HECW1: variants seen among roughly 807,000 people sequenced by gnomAD.
HECW1 encodes E3 ubiquitin-protein ligase HECW1.
HECW1 carries 61 observed loss-of-function variants against 182.3 expected under a neutral mutation model. The observed-to-expected ratio is 0.33, with a 90% CI of 0.27 to 0.41. HECW1 has a LOEUF of 0.41. HECW1 is among the 10% of genes least tolerant of loss of function. HECW1 has a pLI of 1.00. For synonymous variants in HECW1, 859 were observed against 832.6 expected (o/e 1.03, Z -0.55); for missense variants, 1,739 against 2,108.9 (o/e 0.82, Z 3.44).
intron 2 of HECW1, among the ~76,000 whole-genome samples, chr7:43,172,708 A>G (rs1323493744): frequency 6.6e-6 from 1 of 152,186 alleles, no homozygotes; most frequent in Non-Finnish European, 1.5e-5. Flanking sequence ...ACAGATCCCT[A>G]AAGGGAACAA....
At chr7:43,287,899 G>A (rs1562786618) in intron 3 of HECW1, among the ~76,000 whole-genome samples, 1 of 152,214 alleles carries the variant, frequency 6.6e-6, no homozygotes, top group African/African-American at 2.4e-5. Context: ...TAGGTGTTCA[G>A]TCTGGTACCT....
intron 2 of HECW1, among the ~76,000 whole-genome samples, chr7:43,209,399 C>G (rs1795796125): frequency 6.6e-6 from 1 of 152,170 alleles, no homozygotes; most frequent in African/African-American, 2.4e-5. Flanking sequence ...CACTCTGCTT[C>G]CTGAGCCTCT....
intron 3 of HECW1, among the ~76,000 whole-genome samples, chr7:43,285,987 C>A (rs887085940): frequency 6.6e-6 from 1 of 152,096 alleles, no homozygotes; most frequent in Non-Finnish European, 1.5e-5. Flanking sequence ...TAGTTAGGGA[C>A]GTCTTAGTCT....
intron 6 of HECW1, among the ~76,000 whole-genome samples, chr7:43,387,559 C>A (rs192641437): frequency 6.6e-6 from 1 of 152,318 alleles, no homozygotes; most frequent in African/African-American, 2.4e-5. Context: ...CTAACAGCAG[C>A]AAGACATTTA....
At chr7:43,522,997 CTTGT>C (rs547781408) in intron 24 of HECW1, 183 of 434,646 alleles carry the variant, frequency 4.2e-4, no homozygotes, top group Middle Eastern at 7.2e-4. Context: ...GGTAGTTCTG[CTTGT>C]TTGTTTGTTT....
chr7:43,318,616 A>G (rs1202403292), intron 4 of HECW1, among the ~76,000 whole-genome samples: 1 of 152,246 alleles, frequency 6.6e-6, no homozygotes, highest in African/African-American at 2.4e-5. Flanking sequence ...ATGAAGAAAG[A>G]CTATAGAAGT....
intron 2 of HECW1, among the ~76,000 whole-genome samples, chr7:43,139,993 A>G (rs906963192): frequency 6.6e-6 from 1 of 152,228 alleles, no homozygotes; most frequent in Non-Finnish European, 1.5e-5. Context: ...TTCTTAGCCC[A>G]GTGCCTAGCT....
At chr7:43,340,689 G>T (rs1203507551) in intron 5 of HECW1, among the ~76,000 whole-genome samples, 1 of 151,794 alleles carries the variant, frequency 6.6e-6, no homozygotes, top group Non-Finnish European at 1.5e-5. Flanking sequence ...CTAAATTAAA[G>T]CTACAGTGTC....
intron 29 of HECW1, among the ~76,000 whole-genome samples, chr7:43,558,673 G>A (rs1031612337): frequency 2.0e-5 from 3 of 152,138 alleles, no homozygotes; most frequent in African/African-American, 7.2e-5. Flanking sequence ...GTGTCAAGCT[G>A]AGAAATGCTG....
chr7:43,390,843 G>T (rs187671247), intron 6 of HECW1, among the ~76,000 whole-genome samples: 12 of 152,336 alleles, frequency 7.9e-5, no homozygotes, highest in Admixed American at 7.8e-4. Flanking sequence ...GATTGAGCCA[G>T]TGCCCTTATA....
intron 2 of HECW1, among the ~76,000 whole-genome samples, chr7:43,191,950 GTTGT>G (rs1386936325): frequency 6.7e-6 from 1 of 148,496 alleles, no homozygotes; most frequent in Non-Finnish European, 1.5e-5. Flanking sequence ...ATAAGACCTA[GTTGT>G]TGTTTTTTTC....
At chr7:43,304,036 C>T (rs942244195) in intron 3 of HECW1, among the ~76,000 whole-genome samples, 2 of 152,136 alleles carry the variant, frequency 1.3e-5, no homozygotes, top group Non-Finnish European at 2.9e-5. Flanking sequence ...TTTAGCCTAA[C>T]GAATTGTTTC....
Position 43,557,887 on chromosome 7 carries a change from T to C in HECW1, c.4709+3097T>C, listed in dbSNP as rs187921192. Among the ~76,000 whole-genome samples, 82 of 152,344 alleles carry C rather than the reference T, an allele frequency of 5.4e-4. No individual in the cohort carries two copies. The East Asian group carries it at 0.011, about 20-fold the overall frequency. On this transcript the variant is annotated intron_variant, in intron 29 of 29. Coordinates refer to ENST00000395891, the MANE Select transcript of HECW1 (RefSeq NM_015052.5). ...ATAAAATCTATTTTCTGCTCTATCCTATTTCATTAAAATGAAATGCCAGCC... is the reference window on the plus strand; with the variant it reads ...ATAAAATCTATTTTCTGCTCTATCCCATTTCATTAAAATGAAATGCCAGCC...
At chr7:43,486,049 C>T (rs1044949675) in intron 17 of HECW1, among the ~76,000 whole-genome samples, 3 of 152,074 alleles carry the variant, frequency 2.0e-5, no homozygotes, top group Non-Finnish European at 4.4e-5. Flanking sequence ...TCATGTTCCC[C>T]TCCCTGTGTC....
intron 2 of HECW1, among the ~76,000 whole-genome samples, chr7:43,204,120 T>C (rs6949342): frequency 0.62 from 95,004 of 152,074 alleles, 29,673 homozygotes; most frequent in Non-Finnish European, 0.63. Context: ...TCTTATACCT[T>C]GGCACCATAA....
chr7:43,388,121 C>T (rs879705391), intron 6 of HECW1, among the ~76,000 whole-genome samples: 1 of 152,208 alleles, frequency 6.6e-6, no homozygotes, highest in Non-Finnish European at 1.5e-5. Flanking sequence ...GAGAAAGGGA[C>T]ATGCTGGCTC....
Position 43,427,415 on chromosome 7 carries a change from T to C in HECW1, c.802-10588T>C, listed in dbSNP as rs140317574. ...TACTTCTCTTCAGAGCTCTTTTTCT[T>C]AGAATTGTCAACATCACATAGAAAC... On this transcript the variant is annotated intron_variant, in intron 8 of 29. Transcript: ENST00000395891. 5.3e-5 allele frequency among the ~76,000 whole-genome samples: 8 copies of C among 152,316 alleles called. No homozygotes were observed. The East Asian group carries it at 1.5e-3, about 29-fold the overall frequency.
At chr7:43,428,884 T>C (rs2076442355) in intron 8 of HECW1, among the ~76,000 whole-genome samples, 1 of 151,990 alleles carries the variant, frequency 6.6e-6, no homozygotes, top group East Asian at 1.9e-4. Flanking sequence ...AAGTAAAAGA[T>C]GGGAGATATA....
chr7:43,427,863 CCTT>C (rs2076411100), intron 8 of HECW1, among the ~76,000 whole-genome samples: 2 of 152,180 alleles, frequency 1.3e-5, no homozygotes, highest in South Asian at 4.1e-4. Flanking sequence ...TGCATTGAAT[CCTT>C]CTCACATTTT....
Sources: allele counts gnomAD v4.1 joint callset (sites outside exome capture counted in the v4.1 genomes callset), GRCh38; gene constraint gnomAD v4.1.1; transcripts MANE v1.5; gene names NCBI Gene and HGNC (gene_info 2026-07-23, HGNC 2026-07-21).